Variants in SLC35F3 observed in about 807,000 individuals in gnomAD.
SLC35F3 encodes putative thiamine transporter SLC35F3.
A neutral mutation model predicts 49.9 loss-of-function variants in SLC35F3; 25 were observed. That is an observed-to-expected ratio of 0.50 (90% CI 0.37 to 0.70). The LOEUF is 0.70. Among genes scored for constraint, SLC35F3 ranks in the 30% least tolerant of loss-of-function variants. SLC35F3 has a pLI of 0.00. For missense variants in SLC35F3, 525 were observed against 639.8 expected (o/e 0.82, Z 1.94); for synonymous variants, 275 against 265.4 (o/e 1.04, Z -0.35).
chr1:234,215,774 T>C (rs566996727), intron 2 of SLC35F3, among the ~76,000 whole-genome samples: 1 of 152,170 alleles, frequency 6.6e-6, no homozygotes, highest in Non-Finnish European at 1.5e-5. Context: ...CAGGCCTGCC[T>C]GCAGCTGCCC....
chr1:234,304,215 G>T (rs1668740834), intron 3 of SLC35F3, among the ~76,000 whole-genome samples: 1 of 151,750 alleles, frequency 6.6e-6, no homozygotes, highest in East Asian at 1.9e-4. Flanking sequence ...AGGCTGGAGT[G>T]CAGTGGCATG....
At chr1:234,117,298 C>A (rs1280318462) in intron 2 of SLC35F3, among the ~76,000 whole-genome samples, 2 of 152,050 alleles carry the variant, frequency 1.3e-5, no homozygotes, top group Admixed American at 1.3e-4. Context: ...CACCCTAATA[C>A]AATATACAAG....
chr1:234,267,620 G>A (rs1668011244), intron 3 of SLC35F3, among the ~76,000 whole-genome samples: 1 of 151,124 alleles, frequency 6.6e-6, no homozygotes, highest in African/African-American at 2.5e-5. Context: ...TGGGGCGGCT[G>A]GCCAGGCGGG....
chr1:233,919,559 G>A (rs556764726), intron 2 of SLC35F3, among the ~76,000 whole-genome samples: 2 of 152,286 alleles, frequency 1.3e-5, no homozygotes, highest in Admixed American at 6.5e-5. Context: ...GGGACCACTT[G>A]CCTTACCCAG....
intron 3 of SLC35F3, among the ~76,000 whole-genome samples, chr1:234,304,074 T>TCTTCCTTCCTTC (rs371955402): frequency 2.6e-4 from 6 of 22,942 alleles, no homozygotes; most frequent in Non-Finnish European, 6.0e-4. Context: ...TTCCTTCCTT[T>TCTTCCTTCCTTC]CTTCCTTCCT....
chr1:234,074,504 C>G (rs4281379), intron 2 of SLC35F3, among the ~76,000 whole-genome samples: 125,706 of 152,210 alleles, frequency 0.83, 52,039 homozygotes, highest in East Asian at 0.97. Context: ...TATGAGTTCT[C>G]AGTGCCCAAG....
intron 2 of SLC35F3, among the ~76,000 whole-genome samples, chr1:233,958,357 TCTCA>T (rs1165008486): frequency 1.3e-5 from 2 of 152,226 alleles, no homozygotes; most frequent in Non-Finnish European, 2.9e-5. Flanking sequence ...GTCATGCCTT[TCTCA>T]CTCTTTTTCC....
chr1:233,974,174 C>CTTTTTTTTTTT (rs757673463), intron 2 of SLC35F3, among the ~76,000 whole-genome samples: 7 of 83,112 alleles, frequency 8.4e-5, no homozygotes, highest in African/African-American at 1.1e-4. Context: ...ATTTCTATTT[C>CTTTTTTTTTTT]TTTTTTTTTT....
chr1:234,136,184 C>T (rs1665808243), intron 2 of SLC35F3, among the ~76,000 whole-genome samples: 1 of 151,662 alleles, frequency 6.6e-6, no homozygotes, highest in African/African-American at 2.4e-5. Flanking sequence ...TCCTTCTTCC[C>T]TCCCTTCCCT....
At chr1:234,022,587 C>G (rs1663912715) in intron 2 of SLC35F3, among the ~76,000 whole-genome samples, 1 of 152,198 alleles carries the variant, frequency 6.6e-6, no homozygotes, top group Non-Finnish European at 1.5e-5. Flanking sequence ...AATATCTTCA[C>G]AGGGACCTCT....
At chr1:234,003,684 A>G (rs1169873908) in intron 2 of SLC35F3, among the ~76,000 whole-genome samples, 1 of 152,224 alleles carries the variant, frequency 6.6e-6, no homozygotes, top group Non-Finnish European at 1.5e-5. Context: ...CTTATGGATT[A>G]CAAAGGACAG....
intron 3 of SLC35F3, among the ~76,000 whole-genome samples, chr1:234,255,898 C>A (rs1344063546): frequency 1.3e-5 from 2 of 151,970 alleles, no homozygotes; most frequent in Non-Finnish European, 2.9e-5. Context: ...AACCAAAAAC[C>A]CTACAAATCC....
intron 2 of SLC35F3, among the ~76,000 whole-genome samples, chr1:233,946,354 G>A (rs1011959603): frequency 6.6e-6 from 1 of 152,130 alleles, no homozygotes; most frequent in Non-Finnish European, 1.5e-5. Context: ...AGCCAACACT[G>A]GCTCATGTTT....
At chr1:234,165,128 A>G (rs573254558) in intron 2 of SLC35F3, among the ~76,000 whole-genome samples, 1 of 151,708 alleles carries the variant, frequency 6.6e-6, no homozygotes, top group East Asian at 1.9e-4. Context: ...TTGCCTGAGT[A>G]GCATTAGTAT....
chr1:234,160,742 C>T (rs1666212092), intron 2 of SLC35F3, among the ~76,000 whole-genome samples: 2 of 152,178 alleles, frequency 1.3e-5, no homozygotes, highest in South Asian at 4.1e-4. Flanking sequence ...AGCCAACAGT[C>T]CTAGTCCCAT....
chr1:234,086,677 T>C (rs1039888919), intron 2 of SLC35F3, among the ~76,000 whole-genome samples: 11 of 152,192 alleles, frequency 7.2e-5, no homozygotes, highest in African/African-American at 2.7e-4. Flanking sequence ...TAATTAAAGA[T>C]TTATTTGGCT....
intron 2 of SLC35F3, among the ~76,000 whole-genome samples, chr1:233,966,435 A>G (rs1242049184): frequency 6.6e-6 from 1 of 152,080 alleles, no homozygotes; most frequent in East Asian, 1.9e-4. Flanking sequence ...ATCAGACCCA[A>G]TCTGGACAGG....
At chr1:234,139,443 ATCCTCT>A (rs1243126322) in intron 2 of SLC35F3, among the ~76,000 whole-genome samples, 2 of 152,176 alleles carry the variant, frequency 1.3e-5, no homozygotes, top group Non-Finnish European at 2.9e-5. Flanking sequence ...CTTTTTAAAA[ATCCTCT>A]AAGTAAAGGC....
intron 2 of SLC35F3, among the ~76,000 whole-genome samples, chr1:234,090,540 TA>T (rs1273684785): frequency 1.3e-5 from 2 of 152,192 alleles, no homozygotes; most frequent in Non-Finnish European, 2.9e-5. Flanking sequence ...CAGCATGGTC[TA>T]AAGTATGGGG....
Sources: gnomAD v4.1 joint callset for allele counts (sites outside exome capture counted in the v4.1 genomes callset) on GRCh38, gnomAD v4.1.1 for gene constraint, MANE v1.5 for transcripts, NCBI Gene and HGNC (gene_info 2026-07-23, HGNC 2026-07-21) for gene names.